The following RO60 variants were observed in gnomAD, a reference collection of about 807,000 sequenced individuals.
The protein encoded by RO60 is Ro60, Y RNA binding protein, also known as RNA-binding protein RO60.
Under a neutral mutation model 55.3 loss-of-function variants are expected in RO60, and 20 were observed. The ratio of observed to expected loss-of-function variants is 0.36; its 90% CI spans 0.25 to 0.53. The LOEUF (loss-of-function observed/expected upper bound fraction) is 0.53. Ranked by LOEUF, RO60 falls within the 20% of genes least tolerant of loss-of-function variation. The pLI is 0.92. For synonymous variants in RO60, 213 were observed against 213.6 expected, an observed-to-expected ratio of 1.00 and a Z score of 0.02; for missense variants, 558 against 646.6, an observed-to-expected ratio of 0.86 and a Z score of 1.49.
rs534821329 is a variant in RO60, at chr1:193,085,445, CTT to C, written c.*725_*726del. ...TGGCTGAGGGATTCTATTTGGTTTGCTTTTTTTTTTTTGCTTTGTTATATTTT... is the reference window on the plus strand; with the variant it reads ...TGGCTGAGGGATTCTATTTGGTTTGCTTTTTTTTTTGCTTTGTTATATTTT... On this transcript the variant is annotated 3_prime_UTR_variant, in exon 9 of 9. Transcript: ENST00000400968. 6.9e-5 allele frequency: 54 copies of C among 777,948 alleles called. No homozygotes were observed. The highest frequency in any genetic ancestry group is 1.7e-4 in the South Asian group (3 of 17,284). 48.2% of individuals were successfully genotyped at this position (777,948 alleles called of 1,614,324 possible). A position where few individuals can be genotyped will look rare whatever the true frequency, so the allele number is the denominator to read the frequency against.
chr1:193,074,006 C>A (rs1241453391), intron 2 of RO60, among the ~76,000 whole-genome samples: 1 of 151,328 alleles, frequency 6.6e-6, no homozygotes, highest in Non-Finnish European at 1.5e-5. Flanking sequence ...TTTGTCCTTG[C>A]GATAGTTTGC....
At chr1:193,071,842 ATG>A in intron 2 of RO60, among the ~76,000 whole-genome samples, 1 of 116,568 alleles carries the variant, frequency 8.6e-6, no homozygotes, top group Non-Finnish European at 2.0e-5. Context: ...ATACCTATAT[ATG>A]TATGCATATA....
intron 3 of RO60, 81 bp from the exon 4 acceptor site, chr1:193,076,420 T>C: frequency 7.0e-7 from 1 of 1,436,324 alleles, no homozygotes; most frequent in East Asian, 2.4e-5. Context: ...GACTGTATTA[T>C]GAATATTTTT....
At chr1:193,067,979 T>G (rs1462838314) in intron 1 of RO60, among the ~76,000 whole-genome samples, 1 of 152,214 alleles carries the variant, frequency 6.6e-6, no homozygotes, top group Non-Finnish European at 1.5e-5. Flanking sequence ...TTAAACTGGC[T>G]TATCTCAAGG....
intron 2 of RO60, chr1:193,070,668 G>T: frequency 5.1e-6 from 2 of 395,990 alleles, no homozygotes; most frequent in Non-Finnish European, 1.0e-5. Flanking sequence ...GGAGGGTAAG[G>T]AGAATAAGCT....
intron 1 of RO60, among the ~76,000 whole-genome samples, chr1:193,067,224 C>T (rs1303069964): frequency 7.2e-6 from 1 of 138,220 alleles, no homozygotes; most frequent in African/African-American, 2.7e-5. Context: ...CTCGCTCTGT[C>T]CCCCAGGCTG....
At chr1:193,070,726 T>G (rs921485855) in intron 2 of RO60, 3 of 234,662 alleles carry the variant, frequency 1.3e-5, no homozygotes, top group Admixed American at 5.0e-5. Context: ...GTAGTAGAAG[T>G]ACACTTTGGT....
Position 193,076,605 on chromosome 1 carries a change from TTTAG to T in RO60, c.908_911del (p.Leu303TyrfsTer11). On this transcript the variant is annotated frameshift_variant, in exon 4 of 9. Transcript: ENST00000400968. LOFTEE classifies it high-confidence loss of function. ...TTGAACCAGGAAATTCAGAAGTATC[TTTAG>T]TATGTGAAAAACTGTGTAATGAAAA... 1 of 1,609,418 alleles carries T rather than the reference TTTAG, an allele frequency of 6.2e-7. No individual in the cohort carries two copies. Among genetic ancestry groups the T allele is most frequent in the Non-Finnish European group, 8.5e-7 (1 of 1,178,184 alleles).
intron 8 of RO60, among the ~76,000 whole-genome samples, chr1:193,083,688 C>A: frequency 6.6e-6 from 1 of 152,200 alleles, no homozygotes; most frequent in East Asian, 1.9e-4. Context: ...TTTTAACAAG[C>A]CCTCCAGAGG....
At position 193,086,850 on chromosome 1, in the gene RO60, C is replaced by G. The variant is rs1674643820; in HGVS notation, c.*2119C>G. 1 of 152,050 alleles carries G rather than the reference C, an allele frequency of 6.6e-6. No individual in the cohort carries two copies. The highest frequency in any genetic ancestry group is 2.4e-5 in the African/African-American group (1 of 41,416). 9.4% of individuals were successfully genotyped at this position (152,050 alleles called of 1,614,324 possible). A position where few individuals can be genotyped will look rare whatever the true frequency, so the allele number is the denominator to read the frequency against. On this transcript the variant is annotated 3_prime_UTR_variant, in exon 9 of 9. Coordinates refer to ENST00000400968, the MANE Select transcript of RO60 (RefSeq NM_001173524.2). The stretch of plus-strand genomic sequence containing the variant: ...TAGGAGAAGCTACCACAGAAGGTAA[C>G]TTTTCAAATCATGGCATATTTGAGC...
intron 1 of RO60, among the ~76,000 whole-genome samples, chr1:193,060,834 T>C (rs2103005491): frequency 6.6e-6 from 1 of 152,314 alleles, no homozygotes; most frequent in South Asian, 2.1e-4. Context: ...TGAGATACTT[T>C]ATTGGAAAAG....
In RO60 at chr1:193,081,270, T is replaced by C. The variant is rs376577716; in HGVS notation, c.1087-94T>C. 132 of 655,350 alleles carry C rather than the reference T, an allele frequency of 2.0e-4. 1 individual carries two copies. Among genetic ancestry groups the C allele is most frequent in the East Asian group, 1.6e-3 (57 of 36,100 alleles). 40.6% of individuals were successfully genotyped at this position (655,350 alleles called of 1,614,324 possible). A position where few individuals can be genotyped will look rare whatever the true frequency, so the allele number is the denominator to read the frequency against. ...CAAAAATCTGAAGGCCTTTTATCAG[T>C]CTTTTTAATGTAAGATAAGTAAATA... On this transcript the variant is annotated intron_variant, in intron 5 of 8. Coordinates refer to ENST00000400968, the MANE Select transcript of RO60 (RefSeq NM_001173524.2).
intron 2 of RO60, chr1:193,070,567 G>T: frequency 2.3e-6 from 1 of 431,944 alleles, no homozygotes; most frequent in Non-Finnish European, 4.6e-6. Context: ...AACTTGAAAA[G>T]ACAGCCACTC....
chr1:193,063,256 C>T (rs764177500), intron 1 of RO60, among the ~76,000 whole-genome samples: 12 of 152,154 alleles, frequency 7.9e-5, no homozygotes, highest in Non-Finnish European at 7.4e-5. Flanking sequence ...TTTTGATTTG[C>T]ATTTCCCTGA....
At chr1:193,065,845 G>T (rs185931357) in intron 1 of RO60, among the ~76,000 whole-genome samples, 1 of 152,114 alleles carries the variant, frequency 6.6e-6, no homozygotes, top group Non-Finnish European at 1.5e-5. Context: ...TTATACTAGC[G>T]TCTTATTTGG....
chr1:193,068,144 C>G (rs1419441218), intron 1 of RO60, among the ~76,000 whole-genome samples: 2 of 152,156 alleles, frequency 1.3e-5, no homozygotes, highest in Non-Finnish European at 2.9e-5. Context: ...TCATACTGGC[C>G]AGTCATGACA....
At chr1:193,091,707 T>G (rs369947770), downstream of RO60, 1 of 1,603,862 alleles carries the variant, frequency 6.2e-7, no homozygotes, top group African/African-American at 1.3e-5. Flanking sequence ...AGGTGGACAC[T>G]GTGTGAACTG....
chr1:193,075,427 G>A (rs1352920803), intron 2 of RO60, among the ~76,000 whole-genome samples: 3 of 150,872 alleles, frequency 2.0e-5, no homozygotes, highest in Non-Finnish European at 4.4e-5. Context: ...AGAGACAAGT[G>A]AATATAATTA....
At chr1:193,083,615 A>G (rs1674467406) in intron 8 of RO60, among the ~76,000 whole-genome samples, 1 of 152,228 alleles carries the variant, frequency 6.6e-6, no homozygotes, top group African/African-American at 2.4e-5. Flanking sequence ...CCGTATTAGA[A>G]ATGCAAATTC....
Sources: gnomAD v4.1 joint callset for allele counts (sites outside exome capture counted in the v4.1 genomes callset) on GRCh38, gnomAD v4.1.1 for gene constraint, MANE v1.5 for transcripts, NCBI Gene and HGNC (gene_info 2026-07-23, HGNC 2026-07-21) for gene names.